The following LSM14B variants were observed in gnomAD, a reference collection of about 807,000 sequenced individuals.
LSM14B encodes the protein LSM family member 14B, also known as protein LSM14 homolog B.
In LSM14B, 8 loss-of-function variants were observed where a neutral mutation model predicts 42.1. The ratio of observed to expected loss-of-function variants is 0.19; its 90% confidence interval spans 0.11 to 0.34. The LOEUF is 0.34. Ranked by LOEUF, LSM14B falls within the 10% of genes least tolerant of loss-of-function variation. The pLI, the probability that LSM14B is intolerant of heterozygous loss-of-function variation, is 1.00. For missense variants in LSM14B, 396 were observed against 513.1 expected, an observed-to-expected ratio of 0.77 and a Z score of 2.21; for synonymous variants, 219 against 209.7, an observed-to-expected ratio of 1.04 and a Z score of -0.38.
intron 2 of LSM14B, 30 bp from the exon 3 acceptor site, chr20:62,126,274 G>A (rs778566288): frequency 3.0e-5 from 48 of 1,613,704 alleles, no homozygotes; most frequent in African/African-American, 1.5e-4. Context: ...GATGGCCTTC[G>A]CCGTTCTCAC....
At chr20:62,129,129 T>C (rs4925346) in intron 3 of LSM14B, 613,382 of 624,330 alleles carry the variant, frequency 0.98, 302,188 homozygotes, top group East Asian at 1. Flanking sequence ...TTCATAGGCA[T>C]AGCCCCTTGC....
chr20:62,128,115 G>T, intron 3 of LSM14B: 1 of 427,192 alleles, frequency 2.3e-6, no homozygotes, highest in East Asian at 4.7e-5. Context: ...CACTCATTGA[G>T]GGGATTCAAA....
chr20:62,126,556 T>C (rs1403544163), intron 3 of LSM14B, 117 bp downstream of exon 3: 67 of 1,340,224 alleles, frequency 5.0e-5, no homozygotes, highest in Non-Finnish European at 6.7e-5. Flanking sequence ...GTAGACTGTT[T>C]TGTTGCACAC....
intron 1 of LSM14B, among the ~76,000 whole-genome samples, chr20:62,123,707 T>C (rs1371494059): frequency 2.0e-5 from 3 of 152,246 alleles, no homozygotes; most frequent in African/African-American, 7.2e-5. Context: ...CCAGGGGTTC[T>C]TGAAGTGTCT....
Position 62,122,622 on chromosome 20 carries a change from CG to C in LSM14B, c.-43del. 1 of 1,211,542 alleles carries C rather than the reference CG, an allele frequency of 8.3e-7. No homozygotes were observed. Among genetic ancestry groups the C allele is most frequent in the Non-Finnish European group, 1.1e-6 (1 of 950,616 alleles). 75.0% of individuals were successfully genotyped at this position (1,211,542 alleles called of 1,614,324 possible). A position where few individuals can be genotyped will look rare whatever the true frequency, so the allele number is the denominator to read the frequency against. The stretch of plus-strand genomic sequence containing the variant: ...CGCGGCGGCGGAGCGGGCCGCGGCC[CG>C]GCGCTCCTTCCCCACCGCGGCCCGA... On this transcript the variant is annotated 5_prime_UTR_variant, in exon 1 of 9. Transcript: ENST00000279068. This position sits in a 1 kb window ranked among gnomAD's most constrained non-coding sequence, Gnocchi z 4.6.
rs2056448620 is a variant in LSM14B at position 62,122,969 on chromosome 20, G to A, written c.127+176G>A. Among the ~76,000 whole-genome samples, 1 of 146,946 alleles carries A rather than the reference G, an allele frequency of 6.8e-6. No individual in the cohort carries two copies. Among genetic ancestry groups the A allele is most frequent in the South Asian group, 2.4e-4 (1 of 4,238 alleles). On this transcript the variant is annotated intron_variant, in intron 1 of 8. Transcript: ENST00000279068. The surrounding 1 kb of genome is among the most constrained non-coding windows in gnomAD (Gnocchi z 4.6). ...CCGCGCCTTCACCCCGGACGCCCCC[G>A]AGGCGCCCCCTTCCCGCGCGCCACC...
chr20:62,131,652 C>A lies in LSM14B; in HGVS notation c.986+146C>A. On this transcript the variant is annotated intron_variant, in intron 7 of 8. Transcript: ENST00000279068. ...GCTTGCGTTTCTGCATGATGGGTGC[C>A]GGAGTCCCAGCAGGTTGCGTGTGGG... The A allele has an allele frequency of 8.5e-6, 9 of 1,059,126 alleles. No homozygotes were observed. In the South Asian group the frequency reaches 1.4e-4, roughly 16 times the overall value. 65.6% of individuals were successfully genotyped at this position (1,059,126 alleles called of 1,614,324 possible).
chr20:62,134,403 T>G lies in LSM14B; in HGVS notation c.*255T>G. On this transcript the variant is annotated 3_prime_UTR_variant, in exon 9 of 9. Transcript: ENST00000279068. ...TCTGTGTTTCCTTTTTAGTTGCGCA[T>G]AGCCTAATTCTAAGGTTTTGGTATT... The G allele has an allele frequency of 2.2e-6, 1 of 447,576 alleles. No individual in the cohort carries two copies. Among genetic ancestry groups the G allele is most frequent in the Non-Finnish European group, 4.6e-6 (1 of 217,042 alleles). The allele number at this position is 447,576 out of a possible 1,614,324, so 27.7% of individuals were successfully genotyped here. A position where few individuals can be genotyped will look rare whatever the true frequency, so the allele number is the denominator to read the frequency against.
At chr20:62,128,992 T>TA in intron 3 of LSM14B, 1 of 1,304,182 alleles carries the variant, frequency 7.7e-7, no homozygotes, top group Admixed American at 2.3e-5. Flanking sequence ...TTAGAGTCCC[T>TA]ACAGGTCCTG....
In LSM14B at chr20:62,133,563, G is replaced by A. The variant is rs375452388; in HGVS notation, c.*14+88G>A. ...GCTTAGGAAGGTGGGGAGCAGGCTC[G>A]GTTTCCCAGGAAGAAGAGAGGCCCA... On this transcript the variant is annotated intron_variant, in intron 8 of 8. Transcript: ENST00000279068. 39 of 1,440,154 alleles carry A rather than the reference G, an allele frequency of 2.7e-5. No homozygotes were observed. The African/African-American group carries it at 3.8e-4, about 14-fold the overall frequency. The allele number at this position is 1,440,154 out of a possible 1,614,324, so 89.2% of individuals were successfully genotyped here.
chr20:62,127,034 C>T (rs1488142124), intron 3 of LSM14B, among the ~76,000 whole-genome samples: 2 of 152,174 alleles, frequency 1.3e-5, no homozygotes, highest in African/African-American at 2.4e-5. Flanking sequence ...ATATCTGCTT[C>T]AAAGAAGAAA....
chr20:62,127,334 G>C (rs1237872201), intron 3 of LSM14B, among the ~76,000 whole-genome samples: 2 of 152,220 alleles, frequency 1.3e-5, no homozygotes, highest in African/African-American at 4.8e-5. Flanking sequence ...CCAGCATGAA[G>C]TAGTGAGACA....
At chr20:62,125,957 G>A (rs1294537121) in intron 2 of LSM14B, among the ~76,000 whole-genome samples, 2 of 152,202 alleles carry the variant, frequency 1.3e-5, no homozygotes, top group Non-Finnish European at 2.9e-5. Context: ...CTACTCGGGA[G>A]GCTGAGGCTG....
In LSM14B at chr20:62,130,554, C is replaced by T. The variant is rs1033868762; in HGVS notation, c.698C>T (p.Ser233Phe). Residue 233 changes from serine (S) to phenylalanine (F), a missense_variant, in exon 6 of 9, where the codon TCC becomes TTC. Transcript: ENST00000279068. This position sits in a 1 kb window ranked among gnomAD's most constrained non-coding sequence, Gnocchi z 4.1. Reference protein sequence around the residue: ...RSGNRRTRNRSRGQNRPTNVK... With the variant: ...RSGNRRTRNRFRGQNRPTNVK... ...GGAAACAGGCGAACAAGGAATCGCT[C>T]CAGAGGGCAAAACCGTCCAACTAAC... is the stretch of plus-strand genomic sequence containing the variant. 1.2e-6 allele frequency: 2 copies of T among 1,613,722 alleles called. No homozygotes were observed. The highest frequency in any genetic ancestry group is 1.7e-5 in the Admixed American group (1 of 59,982).
intron 2 of LSM14B, 94 bp from the exon 3 acceptor site, chr20:62,126,210 G>A (rs755005143): frequency 1.4e-5 from 22 of 1,580,754 alleles, no homozygotes; most frequent in Admixed American, 8.8e-5. Flanking sequence ...CTGATGGGAC[G>A]GTGCTTGTTT....
chr20:62,133,429 A>G lies in LSM14B; in HGVS notation c.1126A>G (p.Thr376Ala). The change falls in exon 8 of 9, where the codon ACT (threonine) becomes GCT (alanine). Residue 376 changes from threonine (T) to alanine (A), a missense_variant. This residue lies in a region of LSM14B where 118 missense variants were observed against 156.4 expected (regional missense o/e 0.75). Transcript: ENST00000279068. The part of the protein sequence containing the change: ...RGNGTTRRNP[T>A]SHRAGTGRV Reference sequence around the variant, plus strand: ...CAATGGGACCACCCGTCGCAACCCCACTTCCCACAGGGCCGGGACTGGCAG... The same window carrying G: ...CAATGGGACCACCCGTCGCAACCCCGCTTCCCACAGGGCCGGGACTGGCAG... The G allele has an allele frequency of 1.9e-6, 3 of 1,613,024 alleles. No homozygotes were observed. Among genetic ancestry groups the G allele is most frequent in the Non-Finnish European group, 2.5e-6 (3 of 1,179,520 alleles).
intron 3 of LSM14B, chr20:62,127,472 A>G: frequency 1.4e-6 from 1 of 731,784 alleles, no homozygotes; most frequent in Non-Finnish European, 2.3e-6. Context: ...TTTGTATGAC[A>G]GAATCCTACA....
chr20:62,124,709 A>G lies in LSM14B; in HGVS notation c.220A>G (p.Ile74Val). 2 of 1,613,886 alleles carry G rather than the reference A, an allele frequency of 1.2e-6. No homozygotes were observed. Among genetic ancestry groups the G allele is most frequent in the Non-Finnish European group, 1.7e-6 (2 of 1,179,870 alleles). The change falls in exon 2 of 9, where the codon ATC becomes GTC. Residue 74 changes from isoleucine (I) to valine (V), a missense_variant. By Grantham distance (29) the Ile-to-Val change is conservative. Around this residue, in one of 3 missense-constraint regions of LSM14B, gnomAD observed 274 missense variants for 335.8 expected, o/e 0.82. Transcript: ENST00000279068. ...YEYIIFRGSDIKDITVCEPPK... is the reference protein window; with the variant it reads ...YEYIIFRGSDVKDITVCEPPK... ...GTACATCATTTTCCGAGGAAGTGAC[A>G]TCAAGGATATCACTGTGTGTGAACC... is the stretch of plus-strand genomic sequence containing the variant.
In LSM14B at chr20:62,132,615, G is replaced by C. The variant is rs570295062; in HGVS notation, c.987-675G>C. On this transcript the variant is annotated intron_variant, in intron 7 of 8. Transcript: ENST00000279068. The stretch of plus-strand genomic sequence containing the variant: ...GAGAAGAGTCCAGAATGACTCCTAA[G>C]TCTTTTGGCCTGGGCGGCTGATGGG... Among the ~76,000 whole-genome samples, 5 of 152,348 alleles carry C rather than the reference G, an allele frequency of 3.3e-5. No homozygotes were observed. In the South Asian group the frequency reaches 1.0e-3, roughly 32 times the overall value.
Sources: gnomAD v4.1 joint callset for allele counts (sites outside exome capture counted in the v4.1 genomes callset) on GRCh38, gnomAD v4.1.1 for gene constraint, gnomAD v4.1.1 regional missense constraint, Gnocchi (gnomAD v3.1) non-coding constraint, MANE v1.5 for transcripts, NCBI Gene and HGNC (gene_info 2026-07-23, HGNC 2026-07-21) for gene names.